The following HORMAD2 variants were observed in gnomAD, a reference collection of about 807,000 sequenced individuals.
HORMAD2 encodes the protein HORMA domain containing 2, also known as HORMA domain-containing protein 2.
A neutral mutation model predicts 38.8 loss-of-function variants in HORMAD2; 45 were observed. That is an observed-to-expected ratio of 1.16 (90% CI 0.91 to 1.49). The LOEUF (loss-of-function observed/expected upper bound fraction) is 1.49. HORMAD2 is among the 40% of genes most tolerant of loss of function. The pLI is 0.00. For synonymous variants in HORMAD2, 126 were observed against 122.8 expected, an observed-to-expected ratio of 1.03 and a Z score of -0.17; for missense variants, 338 against 367.0, an observed-to-expected ratio of 0.92 and a Z score of 0.65.
At chr22:30,165,509 T>G (rs529115153) in intron 10 of HORMAD2, among the ~76,000 whole-genome samples, 1 of 152,198 alleles carries the variant, frequency 6.6e-6, no homozygotes, top group Non-Finnish European at 1.5e-5. Context: ...ATTGACATCT[T>G]AACCATATTG....
chr22:30,093,350 A>T (rs2068725609), intron 1 of HORMAD2, among the ~76,000 whole-genome samples: 1 of 152,168 alleles, frequency 6.6e-6, no homozygotes, highest in African/African-American at 2.4e-5. Context: ...GAATTTGCAA[A>T]TAAGTTACAA....
chr22:30,181,422 C>G (rs1601606878), downstream of HORMAD2, among the ~76,000 whole-genome samples: 1 of 152,086 alleles, frequency 6.6e-6, no homozygotes, highest in Admixed American at 6.6e-5. Context: ...TTCTCAGAAC[C>G]CTCCCCACTC....
In HORMAD2 at chr22:30,103,861, C is replaced by T. The variant is rs1378721776; in HGVS notation, c.257+361C>T. ...ATTTTTAGTAGAGACAGGGTTTCAC[C>T]ATCTTGGCCAGGATGGTCTCGATCT... On this transcript the variant is annotated intron_variant, in intron 4 of 10. Coordinates refer to ENST00000336726, the MANE Select transcript of HORMAD2 (RefSeq NM_152510.4). Among the ~76,000 whole-genome samples, 5 of 151,492 alleles carry T rather than the reference C, an allele frequency of 3.3e-5. No homozygotes were observed. The South Asian group carries it at 8.4e-4, about 25-fold the overall frequency.
Position 30,176,043 on chromosome 22 carries a change from C to T in HORMAD2, c.820-20C>T, listed in dbSNP as rs373086877. Reference sequence around the variant, plus strand: ...TCAAAATCTCTGCTGAATTGTGCCTCTCTCTGGTGATTCTCACAGATTCAA... The same window carrying T: ...TCAAAATCTCTGCTGAATTGTGCCTTTCTCTGGTGATTCTCACAGATTCAA... On this transcript the variant is annotated intron_variant, in intron 10 of 10. Transcript: ENST00000336726. 99 of 1,531,534 alleles carry T rather than the reference C, an allele frequency of 6.5e-5. No homozygotes were observed. In the East Asian group the frequency reaches 1.0e-3, roughly 16 times the overall value. The allele number at this position is 1,531,534 out of a possible 1,614,324, so 94.9% of individuals were successfully genotyped here.
At chr22:30,155,286 C>T (rs1291907815) in intron 10 of HORMAD2, among the ~76,000 whole-genome samples, 1 of 152,090 alleles carries the variant, frequency 6.6e-6, no homozygotes, top group Non-Finnish European at 1.5e-5. Context: ...TAGAAGAGTA[C>T]TTAGCAACTA....
At chr22:30,141,213 G>A (rs1924046904) in intron 10 of HORMAD2, among the ~76,000 whole-genome samples, 1 of 152,082 alleles carries the variant, frequency 6.6e-6, no homozygotes, top group African/African-American at 2.4e-5. Context: ...GGCCAGGCTT[G>A]TCTCAAACTC....
chr22:30,079,795 T>A (rs1413103322), upstream of HORMAD2, among the ~76,000 whole-genome samples: 1 of 152,208 alleles, frequency 6.6e-6, no homozygotes, highest in African/African-American at 2.4e-5. Context: ...TTCTCGTGCC[T>A]CAGCTTCCCA....
At chr22:30,169,962 T>C (rs754923298) in intron 10 of HORMAD2, among the ~76,000 whole-genome samples, 5 of 152,206 alleles carry the variant, frequency 3.3e-5, no homozygotes, top group Non-Finnish European at 5.9e-5. Flanking sequence ...TTCATCACAA[T>C]GTTAACATAA....
chr22:30,203,559 A>G, the HORMAD2 span, among the ~76,000 whole-genome samples: 1 of 152,126 alleles, frequency 6.6e-6, no homozygotes, highest in African/African-American at 2.4e-5. Context: ...CCAAGCACAC[A>G]TGGGTACATG....
chr22:30,110,222 C>A (rs187101173), intron 5 of HORMAD2, among the ~76,000 whole-genome samples: 2 of 151,674 alleles, frequency 1.3e-5, no homozygotes, highest in Admixed American at 1.3e-4. Context: ...ATCACATGTA[C>A]CCCCAAAATA....
At chr22:30,139,086 A>G (rs1923872726) in intron 10 of HORMAD2, among the ~76,000 whole-genome samples, 1 of 150,772 alleles carries the variant, frequency 6.6e-6, no homozygotes, top group Non-Finnish European at 1.5e-5. Context: ...TGCACCATTG[A>G]CTCTCCTGGG....
At chr22:30,099,762 C>G (rs2146084588) in intron 3 of HORMAD2, among the ~76,000 whole-genome samples, 1 of 152,266 alleles carries the variant, frequency 6.6e-6, no homozygotes, top group Admixed American at 6.5e-5. Flanking sequence ...TGCTGGGCAC[C>G]TGTAATCCCA....
At position 30,144,878 on chromosome 22, in the gene HORMAD2, G is replaced by A. The variant is rs117884383; in HGVS notation, c.819+22664G>A. On this transcript the variant is annotated intron_variant, in intron 10 of 10. Transcript: ENST00000336726. ...AGAATTTAGCAATAGCTGGAGGCAAGAAGAAAAATACTAACGTTCTTTTCC... is the reference window on the plus strand; with the variant it reads ...AGAATTTAGCAATAGCTGGAGGCAAAAAGAAAAATACTAACGTTCTTTTCC... Among the ~76,000 whole-genome samples, 18 of 152,206 alleles carry A rather than the reference G, an allele frequency of 1.2e-4. No homozygotes were observed. The East Asian group carries it at 3.5e-3, about 30-fold the overall frequency.
chr22:30,186,923 C>T, the HORMAD2 span, among the ~76,000 whole-genome samples: 4 of 152,008 alleles, frequency 2.6e-5, no homozygotes, highest in Admixed American at 2.0e-4. Context: ...GGGGGGTCAT[C>T]GTATATCTTT....
At chr22:30,091,232 T>C (rs1465976308) in intron 1 of HORMAD2, among the ~76,000 whole-genome samples, 2 of 150,882 alleles carry the variant, frequency 1.3e-5, no homozygotes, top group Non-Finnish European at 3.0e-5. Flanking sequence ...CTTTTTCTCT[T>C]TCTCTCTCTC....
intron 1 of HORMAD2, among the ~76,000 whole-genome samples, chr22:30,081,561 C>T (rs537982221): frequency 7.3e-5 from 11 of 151,136 alleles, no homozygotes; most frequent in African/African-American, 2.4e-4. Flanking sequence ...CCTTGCTTAG[C>T]CTCACTTTCC....
At chr22:30,163,153 T>A (rs1925557511) in intron 10 of HORMAD2, among the ~76,000 whole-genome samples, 1 of 152,222 alleles carries the variant, frequency 6.6e-6, no homozygotes, top group Non-Finnish European at 1.5e-5. Flanking sequence ...ATCCTTAGTA[T>A]TAAAGTGTTC....
At chr22:30,088,257 A>G (rs1371389137) in intron 1 of HORMAD2, among the ~76,000 whole-genome samples, 2 of 150,424 alleles carry the variant, frequency 1.3e-5, no homozygotes, top group Admixed American at 6.6e-5. Context: ...ATATACACAC[A>G]TATATACATA....
At chr22:30,122,797 G>A (rs911583546) in intron 10 of HORMAD2, among the ~76,000 whole-genome samples, 2 of 152,148 alleles carry the variant, frequency 1.3e-5, no homozygotes, top group African/African-American at 4.8e-5. Context: ...CACCAATAGA[G>A]ACTTGGAGTT....
Sources: allele counts gnomAD v4.1 joint callset (sites outside exome capture counted in the v4.1 genomes callset), GRCh38; gene constraint gnomAD v4.1.1; transcripts MANE v1.5; gene names NCBI Gene and HGNC (gene_info 2026-07-23, HGNC 2026-07-21).